SPATS2L: variants seen among roughly 807,000 people sequenced by gnomAD.
The protein encoded by SPATS2L is SPATS2-like protein.
SPATS2L carries 30 observed loss-of-function variants against 59.6 expected under a neutral mutation model. The observed-to-expected ratio is 0.50, with a 90% CI of 0.38 to 0.68. The LOEUF is 0.68. SPATS2L is among the 30% of genes least tolerant of loss of function. SPATS2L has a pLI of 0.00. For synonymous variants in SPATS2L, 252 were observed against 263.5 expected, an observed-to-expected ratio of 0.96 and a Z score of 0.42; for missense variants, 615 against 700.0, an observed-to-expected ratio of 0.88 and a Z score of 1.37.
In SPATS2L at chr2:200,478,062, G is replaced by A; in HGVS notation, c.*31G>A. 6.6e-7 allele frequency: 1 copy of A among 1,514,014 alleles called. No homozygotes were observed. The highest frequency in any genetic ancestry group is 8.8e-7 in the Non-Finnish European group (1 of 1,133,178). The allele number at this position is 1,514,014 out of a possible 1,614,324, so 93.8% of individuals were successfully genotyped here. A position where few individuals can be genotyped will look rare whatever the true frequency, so the allele number is the denominator to read the frequency against. On this transcript the variant is annotated 3_prime_UTR_variant, in exon 13 of 13. Coordinates refer to ENST00000409140, the MANE Select transcript of SPATS2L (RefSeq NM_001100423.2). ...GAGGAAAAAGAGCAGTTTTCACTCA[G>A]TTTTGGTTCCCTGCCCGAGGTGCTG... is the stretch of plus-strand genomic sequence containing the variant.
chr2:200,306,290 C>T (rs185341792), upstream of SPATS2L: 28,414 of 1,002,270 alleles, frequency 0.028, 425 homozygotes, highest in Middle Eastern at 0.033. Flanking sequence ...TTCATTTTCT[C>T]GGGTAGGAGA....
chr2:200,431,791 A>G (rs2083949475), intron 6 of SPATS2L, among the ~76,000 whole-genome samples: 1 of 152,250 alleles, frequency 6.6e-6, no homozygotes, highest in Admixed American at 6.5e-5. Flanking sequence ...AAACTTTTGA[A>G]TCCAAGTTTA....
At chr2:200,379,451 C>T (rs1217455410) in intron 2 of SPATS2L, among the ~76,000 whole-genome samples, 1 of 152,102 alleles carries the variant, frequency 6.6e-6, no homozygotes, top group Non-Finnish European at 1.5e-5. Context: ...CCCCACAGAC[C>T]CTGGTGCATT....
intron 2 of SPATS2L, chr2:200,378,013 A>G (rs2081659715): frequency 6.5e-6 from 1 of 153,556 alleles, no homozygotes; most frequent in Middle Eastern, 3.3e-3. Flanking sequence ...TTAGAGCTAT[A>G]CCTTCCCTAA....
At chr2:200,337,672 G>A (rs569358254) in intron 2 of SPATS2L, among the ~76,000 whole-genome samples, 2 of 152,322 alleles carry the variant, frequency 1.3e-5, no homozygotes, top group South Asian at 4.2e-4. Flanking sequence ...CTAGAGCAGT[G>A]GAGAGTTCGG....
chr2:200,417,350 G>GTT (rs373628016), intron 5 of SPATS2L, among the ~76,000 whole-genome samples: 2 of 149,572 alleles, frequency 1.3e-5, no homozygotes, highest in African/African-American at 2.4e-5. Context: ...AAAATTATGA[G>GTT]TTTTTTTTTT....
chr2:200,336,930 A>AT (rs3835865), intron 2 of SPATS2L, among the ~76,000 whole-genome samples: 2 of 152,050 alleles, frequency 1.3e-5, no homozygotes, highest in Non-Finnish European at 2.9e-5. Flanking sequence ...ACTTAGTGAA[A>AT]TTTTTTTTCT....
intron 2 of SPATS2L, among the ~76,000 whole-genome samples, chr2:200,363,855 C>G (rs1344570787): frequency 6.6e-6 from 1 of 152,106 alleles, no homozygotes; most frequent in East Asian, 1.9e-4. Flanking sequence ...CTGGCACATA[C>G]CAGAGGAAGG....
chr2:200,444,168 A>G (rs1321929784), intron 8 of SPATS2L, among the ~76,000 whole-genome samples: 1 of 152,208 alleles, frequency 6.6e-6, no homozygotes, highest in Non-Finnish European at 1.5e-5. Flanking sequence ...TTGGCCTCCT[A>G]CCACAACTGG....
chr2:200,470,277 A>G (rs1446152287), intron 11 of SPATS2L, among the ~76,000 whole-genome samples: 1 of 152,180 alleles, frequency 6.6e-6, no homozygotes, highest in Non-Finnish European at 1.5e-5. Context: ...ACCTTTTGCA[A>G]ACTTTTATTA....
chr2:200,353,015 A>G (rs1345651999), intron 2 of SPATS2L, among the ~76,000 whole-genome samples: 2 of 152,226 alleles, frequency 1.3e-5, no homozygotes, highest in Non-Finnish European at 2.9e-5. Context: ...CATGGCATGT[A>G]CTTTCTTTAA....
chr2:200,346,082 T>C (rs1219177015), intron 2 of SPATS2L, among the ~76,000 whole-genome samples: 1 of 152,238 alleles, frequency 6.6e-6, no homozygotes, highest in Non-Finnish European at 1.5e-5. Flanking sequence ...TATTTTTCCT[T>C]GTTAATCACC....
At chr2:200,306,999 C>A (rs2079038160) in intron 1 of SPATS2L, 77 bp downstream of exon 1, 1 of 978,968 alleles carries the variant, frequency 1.0e-6, no homozygotes, top group East Asian at 1.2e-4. Flanking sequence ...CCTGCGCGGC[C>A]GGGACGGAGA....
Position 200,440,770 on chromosome 2 carries a change from T to C in SPATS2L, c.774T>C (p.Ala258=). 1 of 1,613,538 alleles carries C rather than the reference T, an allele frequency of 6.2e-7. No individual in the cohort carries two copies. Among genetic ancestry groups the C allele is most frequent in the Non-Finnish European group, 8.5e-7 (1 of 1,179,590 alleles). Residue 258 remains alanine, a synonymous_variant, in exon 8 of 13, where the codon GCT becomes GCC. Transcript: ENST00000409140. ...TGAAGAAGATCAAAGCTGCCTTTGC[T>C]GAATTACACAACTGGTGAGTGATTC... ...SSVKKIKAAF[A]ELHNCIIDKE...
rs192270592 is a variant in SPATS2L at position 200,394,033 on chromosome 2, A to T, written c.39+4750A>T. Among the ~76,000 whole-genome samples the T allele has an allele frequency of 1.4e-4, 21 of 152,356 alleles. No individual in the cohort carries two copies. In the East Asian group the frequency reaches 3.9e-3, roughly 28 times the overall value. ...TTTTAGTCCAAAGAAGCAGGTAGCT[A>T]ATGATTTCAGGTTTAATATTCAAGA... On this transcript the variant is annotated intron_variant, in intron 3 of 12. Transcript: ENST00000409140.
At chr2:200,327,951 A>G (rs1298285160) in intron 1 of SPATS2L, among the ~76,000 whole-genome samples, 1 of 152,238 alleles carries the variant, frequency 6.6e-6, no homozygotes, top group Non-Finnish European at 1.5e-5. Context: ...TCAATTAAGT[A>G]CCAGCTGAGT....
intron 12 of SPATS2L, among the ~76,000 whole-genome samples, chr2:200,473,397 C>T (rs2087233618): frequency 6.6e-6 from 1 of 152,172 alleles, no homozygotes; most frequent in South Asian, 2.1e-4. Flanking sequence ...TGGAAGGGAC[C>T]CACAGAGACT....
rs187329894 is a variant in SPATS2L at position 200,307,801 on chromosome 2, C to T, written c.-73+879C>T. ...GTGTGTTTTTGAACTTCACGAGCTT[C>T]TCATCCCCCCCGCAATCCTGGTTTT... On this transcript the variant is annotated intron_variant, in intron 1 of 12. Coordinates refer to ENST00000409140, the MANE Select transcript of SPATS2L (RefSeq NM_001100423.2). Among the ~76,000 whole-genome samples, 387 of 152,356 alleles carry T rather than the reference C, an allele frequency of 2.5e-3. 12 individuals are homozygous for T. Among genetic ancestry groups the T allele is most frequent in the Admixed American group, 0.023 (351 of 15,312 alleles).
chr2:200,463,680 A>G (rs1262672710), intron 9 of SPATS2L, among the ~76,000 whole-genome samples: 1 of 152,248 alleles, frequency 6.6e-6, no homozygotes, highest in African/African-American at 2.4e-5. Flanking sequence ...GTTTATACCC[A>G]CATAAGCACA....
Sources: allele counts gnomAD v4.1 joint callset (sites outside exome capture counted in the v4.1 genomes callset), GRCh38; gene constraint gnomAD v4.1.1; transcripts MANE v1.5; gene names NCBI Gene and HGNC (gene_info 2026-07-23, HGNC 2026-07-21).